The following KDM6A variants were observed in gnomAD, a reference collection of about 807,000 sequenced individuals.
KDM6A encodes the protein lysine demethylase 6A, also known as lysine-specific demethylase 6A.
KDM6A carries 11 observed loss-of-function variants against 117.6 expected under a neutral mutation model. That is an observed-to-expected ratio of 0.09 (90% CI 0.06 to 0.15). KDM6A has a LOEUF of 0.15. Among genes scored for constraint, KDM6A ranks in the 10% least tolerant of loss-of-function variants. KDM6A has a pLI of 1.00. For missense variants in KDM6A, 799 were observed against 1,077.3 expected (o/e 0.74, Z 3.62); for synonymous variants, 384 against 396.1 (o/e 0.97, Z 0.36).
At chrX:44,923,056 A>C (rs1396329370) in intron 2 of KDM6A, among the ~76,000 whole-genome samples, 4 of 110,824 alleles carry the variant, frequency 3.6e-5, no homozygotes, top group Non-Finnish European at 5.7e-5. Flanking sequence ...TAAAGATGGC[A>C]CTCTACTGTT....
chrX:44,968,001 A>G (rs964366993), intron 3 of KDM6A, among the ~76,000 whole-genome samples: 8 of 112,224 alleles, frequency 7.1e-5, no homozygotes, highest in East Asian at 2.8e-4. Flanking sequence ...CAGTCAGTCT[A>G]TTGTTGTAGG....
chrX:44,985,603 A>G (rs775204765), intron 4 of KDM6A, among the ~76,000 whole-genome samples: 60 of 111,570 alleles, frequency 5.4e-4, no homozygotes, highest in African/African-American at 1.9e-3. Context: ...TAATTTATTG[A>G]GAGTTTTTAG....
At position 45,090,871 on chromosome X, in the gene KDM6A, C is replaced by CT; in HGVS notation, c.4034+11dup. ...AGCTTTTTGAAATGATTAAGTAAGT[C>CT]TTTTCTAAAACTGCTGTAGTCCCTC... On this transcript the variant is annotated splice_region_variant and intron_variant, in intron 27 of 29. Coordinates refer to ENST00000611820, the MANE Select transcript of KDM6A (RefSeq NM_001291415.2). 8.3e-7 allele frequency: 1 copy of CT among 1,207,765 alleles called. No homozygotes were observed. Among genetic ancestry groups the CT allele is most frequent in the Non-Finnish European group, 1.1e-6 (1 of 892,252 alleles).
chrX:44,911,399 C>A (rs1431300108), intron 2 of KDM6A, among the ~76,000 whole-genome samples: 3 of 106,646 alleles, frequency 2.8e-5, no homozygotes, highest in Non-Finnish European at 5.8e-5. Flanking sequence ...GGGTCGCGGC[C>A]GGGCAGAGGC....
intron 2 of KDM6A, among the ~76,000 whole-genome samples, chrX:44,906,997 A>G (rs965440439): frequency 3.6e-5 from 4 of 110,630 alleles, no homozygotes; most frequent in Non-Finnish European, 7.6e-5. Context: ...TATTTTAGAC[A>G]TTTTCCTACT....
intron 2 of KDM6A, among the ~76,000 whole-genome samples, chrX:44,900,664 C>T (rs1440585059): frequency 1.8e-5 from 2 of 111,223 alleles, no homozygotes; most frequent in African/African-American, 3.3e-5. Context: ...TTTGGGAATC[C>T]GAGGCGGGCG....
chrX:45,103,478 T>C (rs2046407285), intron 27 of KDM6A, among the ~76,000 whole-genome samples: 2 of 111,914 alleles, frequency 1.8e-5, no homozygotes, highest in African/African-American at 6.5e-5. Flanking sequence ...TTAGTATCCA[T>C]AGCATACTAT....
chrX:45,095,652 C>T lies in KDM6A; in HGVS notation c.4034+4788C>T, dbSNP rs73493128. ...GTTTTTTCTGGTTTGTGAGCTGTGCCAGTTCTTAATAAATGGTTTTCCCTT... is the reference window on the plus strand; with the variant it reads ...GTTTTTTCTGGTTTGTGAGCTGTGCTAGTTCTTAATAAATGGTTTTCCCTT... On this transcript the variant is annotated intron_variant, in intron 27 of 29. Coordinates refer to ENST00000611820, the MANE Select transcript of KDM6A (RefSeq NM_001291415.2). Among the ~76,000 whole-genome samples, 841 of 111,268 alleles carry T rather than the reference C, an allele frequency of 7.6e-3. 14 individuals are homozygous for T. The highest frequency in any genetic ancestry group is 0.026 in the African/African-American group (806 of 30,611).
Position 45,112,252 on chromosome X carries a change from A to T in KDM6A, c.*841A>T, listed in dbSNP as rs2046787522. 6.8e-6 allele frequency: 1 copy of T among 146,336 alleles called. No individual in the cohort carries two copies. The highest frequency in any genetic ancestry group is 3.1e-5 in the African/African-American group (1 of 32,093). The allele number at this position is 146,336 out of a possible 1,213,427, so 12.1% of individuals were successfully genotyped here. A position where few individuals can be genotyped will look rare whatever the true frequency, so the allele number is the denominator to read the frequency against. On this transcript the variant is annotated 3_prime_UTR_variant, in exon 30 of 30. Coordinates refer to ENST00000611820, the MANE Select transcript of KDM6A (RefSeq NM_001291415.2). The stretch of plus-strand genomic sequence containing the variant: ...TATTAAAATTGTTTAATGTTTAAAG[A>T]GTTTTCTATTGTTTGAGTTTTAAAA...
chrX:44,896,172 C>T lies in KDM6A; in HGVS notation c.225+22185C>T, dbSNP rs753715831. Among the ~76,000 whole-genome samples, 269 of 108,448 alleles carry T rather than the reference C, an allele frequency of 2.5e-3. 2 individuals carry two copies. The highest frequency in any genetic ancestry group is 3.9e-3 in the Non-Finnish European group (204 of 52,386). The allele number at this position is 108,448 out of a possible 115,157, so 94.2% of individuals were successfully genotyped here. A position where few individuals can be genotyped will look rare whatever the true frequency, so the allele number is the denominator to read the frequency against. ...CACTGCAAGCTCCGCCTCCTGGGTT[C>T]ATGCCATTCTCCTGCTTCAGCCTCC... On this transcript the variant is annotated intron_variant, in intron 2 of 29. Coordinates refer to ENST00000611820, the MANE Select transcript of KDM6A (RefSeq NM_001291415.2).
intron 2 of KDM6A, among the ~76,000 whole-genome samples, chrX:44,935,391 TCA>T (rs2036907116): frequency 9.0e-6 from 1 of 110,617 alleles, no homozygotes; most frequent in African/African-American, 3.3e-5. Flanking sequence ...GTAATTAACT[TCA>T]GAGTCTTGAT....
chrX:45,058,330 T>C (rs1569532737), intron 10 of KDM6A, among the ~76,000 whole-genome samples: 2 of 110,695 alleles, frequency 1.8e-5, no homozygotes, highest in African/African-American at 3.3e-5. Flanking sequence ...TCAACTGTTA[T>C]CTGTGTATCC....
chrX:45,090,607 A>G, intron 26 of KDM6A, 116 bp from the exon 27 acceptor site: 1 of 731,396 alleles, frequency 1.4e-6, no homozygotes, highest in Non-Finnish European at 2.0e-6. Context: ...TTATTTTTAT[A>G]GTGTTTTGAG....
At chrX:45,002,702 T>C (rs1283353900) in intron 4 of KDM6A, among the ~76,000 whole-genome samples, 1 of 111,863 alleles carries the variant, frequency 8.9e-6, no homozygotes, top group Non-Finnish European at 1.9e-5. Context: ...AAATTCCCTT[T>C]TATAACATTT....
At chrX:44,907,481 C>CTT (rs1157850343) in intron 2 of KDM6A, among the ~76,000 whole-genome samples, 13 of 73,139 alleles carry the variant, frequency 1.8e-4, no homozygotes, top group African/African-American at 3.6e-4. Context: ...TTTTTTTTTT[C>CTT]TTTTTTTTTT....
At chrX:44,987,614 A>G (rs1412030974) in intron 4 of KDM6A, among the ~76,000 whole-genome samples, 2 of 111,221 alleles carry the variant, frequency 1.8e-5, no homozygotes, top group African/African-American at 6.6e-5. Flanking sequence ...TGGTGATAAA[A>G]TCTCTTAGCA....
chrX:45,040,990 CG>C (rs2043137013), intron 8 of KDM6A, among the ~76,000 whole-genome samples: 1 of 72,588 alleles, frequency 1.4e-5, no homozygotes, highest in Non-Finnish European at 2.7e-5. Flanking sequence ...GCCGGCCGGG[CG>C]GGGGGCTGAC....
chrX:44,955,248 A>C (rs1412592370), intron 2 of KDM6A, among the ~76,000 whole-genome samples: 8 of 111,293 alleles, frequency 7.2e-5, no homozygotes. Flanking sequence ...TCTTTAGTTA[A>C]GGATCAAGAT....
intron 4 of KDM6A, among the ~76,000 whole-genome samples, chrX:44,993,623 C>G (rs941744095): frequency 3.6e-5 from 4 of 111,358 alleles, no homozygotes; most frequent in African/African-American, 1.3e-4. Flanking sequence ...CTTTTAATGT[C>G]TTTTAAAAGC....
Sources: allele counts gnomAD v4.1 joint callset (sites outside exome capture counted in the v4.1 genomes callset), GRCh38; gene constraint gnomAD v4.1.1; transcripts MANE v1.5; gene names NCBI Gene and HGNC (gene_info 2026-07-23, HGNC 2026-07-21).